The following DPP6 variants were observed in gnomAD, a reference collection of about 807,000 sequenced individuals.
The protein encoded by DPP6 is dipeptidyl peptidase like 6, also known as A-type potassium channel modulatory protein DPP6.
DPP6 carries 69 observed loss-of-function variants against 122.6 expected under a neutral mutation model. That is an observed-to-expected ratio of 0.56 (90% CI 0.46 to 0.69). The LOEUF (loss-of-function observed/expected upper bound fraction) is 0.69, where lower values mean the gene tolerates loss of function less well. DPP6 is among the 30% of genes least tolerant of loss of function. The pLI is 0.00. For synonymous variants in DPP6, 418 were observed against 433.1 expected (o/e 0.97, Z 0.43); for missense variants, 928 against 1,116.9 (o/e 0.83, Z 2.41).
At chr7:153,835,767 C>G in the DPP6 span, among the ~76,000 whole-genome samples, 1 of 152,132 alleles carries the variant, frequency 6.6e-6, no homozygotes, top group African/African-American at 2.4e-5. Flanking sequence ...GAGGACAGAC[C>G]TAAGAGCAGC....
At chr7:153,923,110 C>G (rs902003508) in intron 1 of DPP6, among the ~76,000 whole-genome samples, 1 of 152,190 alleles carries the variant, frequency 6.6e-6, no homozygotes, top group South Asian at 2.1e-4. Flanking sequence ...AACCAGCTGC[C>G]GCCAAACAGC....
chr7:154,324,995 G>C (rs1808319451), intron 1 of DPP6, among the ~76,000 whole-genome samples: 1 of 151,352 alleles, frequency 6.6e-6, no homozygotes, highest in African/African-American at 2.4e-5. Context: ...CTCCCGAGTA[G>C]CTGGGACTAC....
At chr7:154,119,661 C>G (rs1451524665) in intron 1 of DPP6, among the ~76,000 whole-genome samples, 4 of 132,968 alleles carry the variant, frequency 3.0e-5, no homozygotes, top group Non-Finnish European at 5.1e-5. Context: ...TAAAAAGGGA[C>G]ATAATTAGAT....
At chr7:154,572,940 A>T (rs1043789978) in intron 5 of DPP6, among the ~76,000 whole-genome samples, 1 of 152,066 alleles carries the variant, frequency 6.6e-6, no homozygotes, top group Admixed American at 6.6e-5. Flanking sequence ...TCGGCCTCCC[A>T]AAATGCTGGG....
intron 1 of DPP6, among the ~76,000 whole-genome samples, chr7:154,368,111 A>G (rs759857430): frequency 2.6e-5 from 4 of 152,318 alleles, no homozygotes; most frequent in Middle Eastern, 3.4e-3. Context: ...CGTGAAATTT[A>G]CTTTATACTG....
intron 1 of DPP6, among the ~76,000 whole-genome samples, chr7:153,895,686 ATG>A (rs910948632): frequency 2.6e-5 from 4 of 151,870 alleles, no homozygotes; most frequent in Non-Finnish European, 4.4e-5. Context: ...AAGACTGTAT[ATG>A]TGTGTGTGTA....
rs71182888 is a variant in DPP6 at position 154,245,635 on chromosome 7, C to CAAAAAAAAAAAAAAAAAAA, written c.243+192589_243+192590insAAAAAAAAAAAAAAAAAAA. 3.2e-4 allele frequency among the ~76,000 whole-genome samples: 32 copies of CAAAAAAAAAAAAAAAAAAA among 100,638 alleles called. 1 individual carries two copies. Among genetic ancestry groups the CAAAAAAAAAAAAAAAAAAA allele is most frequent in the African/African-American group, 6.4e-4 (16 of 24,860 alleles). 66.0% of individuals were successfully genotyped at this position (100,638 alleles called of 152,430 possible). On this transcript the variant is annotated intron_variant, in intron 1 of 25. Transcript: ENST00000377770. Reference sequence around the variant, plus strand: ...CTGGGCAACAAGAGTAAGACTGTCTCAAAAAAAAAAAAAAAAAGCTATGGC... The same window carrying CAAAAAAAAAAAAAAAAAAA: ...CTGGGCAACAAGAGTAAGACTGTCTCAAAAAAAAAAAAAAAAAAAAAAAAAAAAAAAAAAAAGCTATGGC...
the DPP6 span, among the ~76,000 whole-genome samples, chr7:153,783,272 G>T: frequency 2.0e-5 from 3 of 152,308 alleles, no homozygotes; most frequent in Non-Finnish European, 4.4e-5. Context: ...TGGCTGGGGA[G>T]GTCCCAGGAA....
the DPP6 span, among the ~76,000 whole-genome samples, chr7:153,853,774 C>A: frequency 6.6e-6 from 1 of 152,156 alleles, no homozygotes; most frequent in Non-Finnish European, 1.5e-5. Flanking sequence ...AATAGTTATT[C>A]TTTTCTCCCA....
chr7:154,182,664 G>GTA (rs1798153673), intron 1 of DPP6, among the ~76,000 whole-genome samples: 3 of 152,234 alleles, frequency 2.0e-5, no homozygotes, highest in South Asian at 4.2e-4. Context: ...CGGAGGTGAA[G>GTA]TATCCTCCGT....
chr7:154,667,509 C>T (rs566828318), intron 6 of DPP6, among the ~76,000 whole-genome samples: 10 of 152,246 alleles, frequency 6.6e-5, no homozygotes, highest in African/African-American at 2.2e-4. Context: ...AGACGGATTC[C>T]CTGAGGTCAG....
At chr7:154,335,162 C>T (rs1809294405) in intron 1 of DPP6, among the ~76,000 whole-genome samples, 1 of 152,218 alleles carries the variant, frequency 6.6e-6, no homozygotes. Context: ...TGATGTCACG[C>T]ACTGTCTACT....
At chr7:153,843,121 C>T in the DPP6 span, among the ~76,000 whole-genome samples, 230 of 151,518 alleles carry the variant, frequency 1.5e-3, no homozygotes, top group Admixed American at 3.4e-3. Context: ...CATACACATG[C>T]GCATACACAC....
At chr7:154,192,695 T>C (rs2150768565) in intron 1 of DPP6, among the ~76,000 whole-genome samples, 1 of 152,386 alleles carries the variant, frequency 6.6e-6, no homozygotes, top group East Asian at 1.9e-4. Flanking sequence ...AAAATCCCCA[T>C]ATGGGTCAAA....
chr7:154,459,759 T>C (rs1437336967), intron 2 of DPP6, among the ~76,000 whole-genome samples: 1 of 124,478 alleles, frequency 8.0e-6, no homozygotes, highest in African/African-American at 3.2e-5. Flanking sequence ...TGAGCCGAGA[T>C]CATACCACTG....
intron 1 of DPP6, among the ~76,000 whole-genome samples, chr7:153,923,812 C>T (rs1046972606): frequency 3.4e-5 from 5 of 147,988 alleles, no homozygotes; most frequent in Non-Finnish European, 7.4e-5. Context: ...CGGGGAGGAT[C>T]TGAAGGAGTC....
intron 1 of DPP6, among the ~76,000 whole-genome samples, chr7:154,283,107 G>GTCTCA (rs1804633538): frequency 6.6e-6 from 1 of 152,182 alleles, no homozygotes; most frequent in Admixed American, 6.5e-5. Flanking sequence ...ATCGGGACCA[G>GTCTCA]TCTCATCTCA....
At chr7:154,720,934 A>G (rs1214945539) in intron 7 of DPP6, among the ~76,000 whole-genome samples, 3 of 152,210 alleles carry the variant, frequency 2.0e-5, no homozygotes, top group African/African-American at 7.2e-5. Flanking sequence ...CCTCGAGAAG[A>G]GGGCAGAATG....
the DPP6 span, among the ~76,000 whole-genome samples, chr7:153,759,796 A>C: frequency 6.8e-6 from 1 of 147,734 alleles, no homozygotes; most frequent in Non-Finnish European, 1.5e-5. Flanking sequence ...AAATACCTTT[A>C]AGTTAGGCAA....
Sources: allele counts gnomAD v4.1 joint callset (sites outside exome capture counted in the v4.1 genomes callset), GRCh38; gene constraint gnomAD v4.1.1; transcripts MANE v1.5; gene names NCBI Gene and HGNC (gene_info 2026-07-23, HGNC 2026-07-21).